Variants in TRDN observed in about 807,000 individuals in gnomAD.
TRDN encodes the protein triadin, also known as triadin in skeletal muscle.
TRDN carries 161 observed loss-of-function variants against 149.7 expected under a neutral mutation model. The observed-to-expected ratio is 1.08, with a 90% CI of 0.95 to 1.23. TRDN has a LOEUF of 1.23. TRDN is among the 50% of genes most tolerant of loss of function. TRDN has a pLI of 0.00. For missense variants in TRDN, 896 were observed against 823.5 expected, an observed-to-expected ratio of 1.09 and a Z score of -1.08; for synonymous variants, 294 against 250.5, an observed-to-expected ratio of 1.17 and a Z score of -1.64.
chr6:123,609,548 C>T (rs1784689454), intron 1 of TRDN, among the ~76,000 whole-genome samples: 1 of 152,068 alleles, frequency 6.6e-6, no homozygotes. Flanking sequence ...GCTTGATAAA[C>T]ACTTGTTTAT....
At chr6:123,634,307 G>A (rs1403035590) in intron 1 of TRDN, among the ~76,000 whole-genome samples, 1 of 151,800 alleles carries the variant, frequency 6.6e-6, no homozygotes, top group Non-Finnish European at 1.5e-5. Context: ...CAGGCATGGT[G>A]GTGCACACCT....
intron 12 of TRDN, among the ~76,000 whole-genome samples, chr6:123,407,481 C>T (rs1773243848): frequency 6.6e-6 from 1 of 152,052 alleles, no homozygotes; most frequent in African/African-American, 2.4e-5. Flanking sequence ...AGTGCTTCAC[C>T]AGGACTTTCT....
At chr6:123,533,896 TA>T (rs1210658470) in intron 4 of TRDN, among the ~76,000 whole-genome samples, 3 of 152,136 alleles carry the variant, frequency 2.0e-5, no homozygotes, top group African/African-American at 4.8e-5. Flanking sequence ...AAAATTAGAC[TA>T]AAAAATGGCA....
At chr6:123,465,026 A>G (rs1398540937) in intron 9 of TRDN, 43 bp from the exon 10 acceptor site, 1 of 1,537,680 alleles carries the variant, frequency 6.5e-7, no homozygotes, top group Non-Finnish European at 8.8e-7. Context: ...AAAAGTATTA[A>G]CAAATCTAAT....
chr6:123,289,960 T>C (rs1413070294), intron 24 of TRDN, among the ~76,000 whole-genome samples: 3 of 152,172 alleles, frequency 2.0e-5, no homozygotes, highest in Admixed American at 1.3e-4. Flanking sequence ...GCTAACTCTT[T>C]CACTGTCCCC....
At chr6:123,448,974 A>G (rs1462231088) in intron 10 of TRDN, among the ~76,000 whole-genome samples, 1 of 152,094 alleles carries the variant, frequency 6.6e-6, no homozygotes, top group Non-Finnish European at 1.5e-5. Context: ...AGAGACAACA[A>G]TCACTGCAGT....
chr6:123,578,145 T>C lies in TRDN; in HGVS notation c.23-7013A>G, dbSNP rs1782945769. Among the ~76,000 whole-genome samples, 6 of 152,150 alleles carry C rather than the reference T, an allele frequency of 3.9e-5. No homozygotes were observed. In the South Asian group the frequency reaches 1.2e-3, roughly 31 times the overall value. Reference sequence around the variant, plus strand: ...GAAGCTCTAAAGTTTAATTAGATCTTGTTTGTCAATTTTTACCTTTGTTGC... The same window carrying C: ...GAAGCTCTAAAGTTTAATTAGATCTCGTTTGTCAATTTTTACCTTTGTTGC... On this transcript the variant is annotated intron_variant, in intron 1 of 40. Transcript: ENST00000334268.
intron 24 of TRDN, among the ~76,000 whole-genome samples, chr6:123,286,320 C>G (rs757586224): frequency 6.6e-6 from 1 of 151,752 alleles, no homozygotes; most frequent in East Asian, 1.9e-4. Flanking sequence ...TAGTATAGGT[C>G]GGGCATGGTG....
At chr6:123,498,231 A>G (rs887058767) in intron 8 of TRDN, 2 of 180,916 alleles carry the variant, frequency 1.1e-5, no homozygotes, top group African/African-American at 4.7e-5. Flanking sequence ...AACATGTTAC[A>G]TTCTTAATTG....
At chr6:123,441,724 T>C (rs549063307) in intron 10 of TRDN, among the ~76,000 whole-genome samples, 4 of 152,220 alleles carry the variant, frequency 2.6e-5, no homozygotes, top group African/African-American at 7.2e-5. Flanking sequence ...AGCCAGACAA[T>C]ACACAATATT....
rs183844560 is a variant in TRDN at position 123,595,464 on chromosome 6, G to T, written c.23-24332C>A. ...TTACTAAGTGAACTTACCATAAAGA[G>T]ATTTGGAAATCGAAGTGAGAAATTA... On this transcript the variant is annotated intron_variant, in intron 1 of 40. Transcript: ENST00000334268. Among the ~76,000 whole-genome samples, 21 of 152,180 alleles carry T rather than the reference G, an allele frequency of 1.4e-4. No individual in the cohort carries two copies. In the East Asian group the frequency reaches 4.1e-3, roughly 29 times the overall value.
intron 24 of TRDN, among the ~76,000 whole-genome samples, chr6:123,312,751 G>A (rs1176359910): frequency 6.6e-6 from 1 of 151,882 alleles, no homozygotes; most frequent in Admixed American, 6.6e-5. Context: ...TATAGGAATG[G>A]CTCCTCTCTC....
At chr6:123,503,476 T>C (rs1257359917) in intron 8 of TRDN, 5 of 985,056 alleles carry the variant, frequency 5.1e-6, no homozygotes, top group African/African-American at 3.5e-5. Flanking sequence ...GGATGCTACC[T>C]CCAAACCCCT....
At chr6:123,393,211 T>C (rs1430485399) in intron 13 of TRDN, among the ~76,000 whole-genome samples, 4 of 152,122 alleles carry the variant, frequency 2.6e-5, no homozygotes, top group African/African-American at 9.6e-5. Flanking sequence ...TTTTGATGTT[T>C]ATGAAGTAAT....
intron 9 of TRDN, among the ~76,000 whole-genome samples, chr6:123,467,174 T>C (rs902866515): frequency 6.6e-5 from 10 of 152,008 alleles, no homozygotes; most frequent in Admixed American, 5.9e-4. Flanking sequence ...TACATGATAG[T>C]GTGTTGAAGG....
chr6:123,630,109 A>G (rs2114738211), intron 1 of TRDN, among the ~76,000 whole-genome samples: 1 of 152,132 alleles, frequency 6.6e-6, no homozygotes, highest in Middle Eastern at 3.4e-3. Context: ...CGTAAAGTCG[A>G]CATTATTGTA....
intron 12 of TRDN, among the ~76,000 whole-genome samples, chr6:123,395,834 G>A (rs1185432641): frequency 2.6e-5 from 4 of 152,098 alleles, no homozygotes; most frequent in Non-Finnish European, 4.4e-5. Flanking sequence ...TCATTTATGA[G>A]GTTGGTGCAA....
intron 27 of TRDN, 96 bp from the exon 28 acceptor site, chr6:123,273,459 A>G: frequency 4.9e-6 from 3 of 612,432 alleles, no homozygotes; most frequent in Non-Finnish European, 6.9e-6. Flanking sequence ...AGAACTAGGC[A>G]TAACTAGCTT....
intron 7 of TRDN, among the ~76,000 whole-genome samples, chr6:123,508,011 C>T (rs1779009318): frequency 6.6e-6 from 1 of 151,950 alleles, no homozygotes; most frequent in Non-Finnish European, 1.5e-5. Flanking sequence ...AGAATCGCCA[C>T]TGTAACTGCC....
Sources: allele counts gnomAD v4.1 joint callset (sites outside exome capture counted in the v4.1 genomes callset), GRCh38; gene constraint gnomAD v4.1.1; transcripts MANE v1.5; gene names NCBI Gene and HGNC (gene_info 2026-07-23, HGNC 2026-07-21).